PCDHA6: variants seen among roughly 807,000 people sequenced by gnomAD.
PCDHA6 encodes protocadherin alpha 6.
PCDHA6 carries 55 observed loss-of-function variants against 60.3 expected under a neutral mutation model. The ratio of observed to expected loss-of-function variants is 0.91; its 90% CI spans 0.73 to 1.14. The LOEUF (loss-of-function observed/expected upper bound fraction) is 1.14, where lower values mean the gene tolerates loss of function less well. Among genes scored for constraint, PCDHA6 ranks in the 50% most tolerant of loss-of-function variants. The pLI is 0.00. For missense variants in PCDHA6, 1,327 were observed against 1,256.5 expected, an observed-to-expected ratio of 1.06 and a Z score of -0.85; for synonymous variants, 652 against 557.9, an observed-to-expected ratio of 1.17 and a Z score of -2.38.
At chr5:140,862,887 G>A (rs781965401) in intron 1 of PCDHA6, 8 of 562,884 alleles carry the variant, frequency 1.4e-5, no homozygotes, top group Non-Finnish European at 2.7e-5. Flanking sequence ...GTGCTGGAAC[G>A]ACAACTTTGT....
At chr5:140,902,071 T>G (rs1288333473) in intron 1 of PCDHA6, among the ~76,000 whole-genome samples, 1 of 152,186 alleles carries the variant, frequency 6.6e-6, no homozygotes, top group African/African-American at 2.4e-5. Flanking sequence ...TTTACTGAAT[T>G]TATTGTTTTA....
At chr5:140,881,085 A>G (rs1554171740) in intron 1 of PCDHA6, among the ~76,000 whole-genome samples, 1 of 152,156 alleles carries the variant, frequency 6.6e-6, no homozygotes, top group East Asian at 1.9e-4. Flanking sequence ...GCTATGATAT[A>G]TTTTTCATTA....
intron 3 of PCDHA6, among the ~76,000 whole-genome samples, chr5:141,004,400 G>A (rs183932833): frequency 7.4e-4 from 113 of 152,304 alleles, no homozygotes; most frequent in African/African-American, 2.7e-3. Flanking sequence ...TGTGGAGGAG[G>A]CACCTGACTA....
At chr5:140,968,106 C>T (rs1554230344) in intron 1 of PCDHA6, 8 of 1,614,016 alleles carry the variant, frequency 5.0e-6, no homozygotes, top group East Asian at 2.2e-5. Flanking sequence ...GGGGGAATAC[C>T]GCAGCTCACA....
At chr5:140,967,409 C>T (rs1451311967) in intron 1 of PCDHA6, 9 of 1,613,130 alleles carry the variant, frequency 5.6e-6, no homozygotes, top group Non-Finnish European at 7.6e-6. Flanking sequence ...GCGTAAGGGC[C>T]TAGACCGGGA....
chr5:140,862,475 C>T (rs1252932396), intron 1 of PCDHA6: 2 of 377,970 alleles, frequency 5.3e-6, no homozygotes, highest in African/African-American at 4.2e-5. Flanking sequence ...GCAAATCTAT[C>T]CATTGTTGGT....
In PCDHA6 at chr5:140,843,066, C is replaced by G. The variant is rs2150351563; in HGVS notation, c.2394+12581C>G. 18 of 1,595,216 alleles carry G rather than the reference C, an allele frequency of 1.1e-5. 2 individuals are homozygous for G. Among genetic ancestry groups the G allele is most frequent in the East Asian group, 4.5e-5 (2 of 44,812 alleles). On this transcript the variant is annotated intron_variant, in intron 1 of 3. Coordinates refer to ENST00000529310, the MANE Select transcript of PCDHA6 (RefSeq NM_018909.4). ...GGTGGCGCAGCGAGCAAGCTGGTGC[C>G]GCGGTCTGTGGGCGCGGGCCACGTG...
intron 1 of PCDHA6, chr5:140,856,165 A>T: frequency 6.3e-7 from 1 of 1,598,366 alleles, no homozygotes; most frequent in South Asian, 1.1e-5. Flanking sequence ...AGGAGGCCAG[A>T]CACGGCACCT....
chr5:140,863,354 T>C, intron 1 of PCDHA6: 1 of 1,283,244 alleles, frequency 7.8e-7, no homozygotes, highest in Non-Finnish European at 1.1e-6. Flanking sequence ...TACACGACGC[T>C]GCGGTGCTTG....
chr5:140,965,700 C>CT (rs1554227802), intron 1 of PCDHA6, among the ~76,000 whole-genome samples: 1 of 152,162 alleles, frequency 6.6e-6, no homozygotes, highest in East Asian at 1.9e-4. Flanking sequence ...TTAGAAAAAG[C>CT]TTGAGAGAAG....
chr5:140,969,803 T>G, intron 1 of PCDHA6, among the ~76,000 whole-genome samples: 1 of 152,248 alleles, frequency 6.6e-6, no homozygotes, highest in South Asian at 2.1e-4. Context: ...ATCTGCTGTC[T>G]CTGTTTATAC....
At chr5:140,861,404 G>A in intron 1 of PCDHA6, 2 of 468,962 alleles carry the variant, frequency 4.3e-6, no homozygotes, top group East Asian at 5.7e-5. Flanking sequence ...AGCTTGTGGA[G>A]CTGATACCGC....
chr5:140,848,776 A>G (rs2150250036), intron 1 of PCDHA6: 1 of 1,593,226 alleles, frequency 6.3e-7, no homozygotes, highest in East Asian at 2.2e-5. Flanking sequence ...GACCGCGAGG[A>G]GCTGTGCGGG....
At chr5:140,884,622 GAAC>G (rs1562808706) in intron 1 of PCDHA6, 7 of 1,613,830 alleles carry the variant, frequency 4.3e-6, no homozygotes, top group Non-Finnish European at 5.9e-6. Flanking sequence ...TCTGCAGAGG[GAAC>G]AGGCCAGAGG....
intron 1 of PCDHA6, among the ~76,000 whole-genome samples, chr5:140,840,153 G>A (rs1284552041): frequency 6.6e-6 from 1 of 152,018 alleles, no homozygotes; most frequent in Non-Finnish European, 1.5e-5. Context: ...CACGTGAAAG[G>A]AGAGATGGGA....
intron 1 of PCDHA6, among the ~76,000 whole-genome samples, chr5:140,898,022 T>A (rs1235447722): frequency 6.6e-6 from 1 of 152,202 alleles, no homozygotes; most frequent in Non-Finnish European, 1.5e-5. Flanking sequence ...CTTTGCCCAC[T>A]TTTTGATGGG....
intron 3 of PCDHA6, among the ~76,000 whole-genome samples, chr5:140,999,452 G>A (rs141442204): frequency 6.4e-4 from 97 of 152,234 alleles, no homozygotes; most frequent in African/African-American, 2.1e-3. Flanking sequence ...TTCGTTCAAC[G>A]AATAAGTGGT....
rs1207479341 is a variant in PCDHA6 at position 140,830,336 on chromosome 5, T to G, written c.2245T>G (p.Ser749Ala). Residue 749 changes from serine (S) to alanine (A), a missense_variant, in exon 1 of 4, where the codon TCG becomes GCG. Transcript: ENST00000529310. ...LVCSSAVGSW[S>A]YSQQRRQRVC... is the part of the protein sequence containing the mutation. ...GTGCTCCAGCGCAGTGGGGAGCTGG[T>G]CGTACTCGCAGCAGAGGCGGCAGAG... 6.2e-7 allele frequency: 1 copy of G among 1,613,688 alleles called. No individual in the cohort carries two copies. The highest frequency in any genetic ancestry group is 1.7e-5 in the Admixed American group (1 of 59,990).
chr5:140,843,887 A>T, intron 1 of PCDHA6: 2 of 705,148 alleles, frequency 2.8e-6, no homozygotes, highest in Non-Finnish European at 4.7e-6. Context: ...ATAATACAGT[A>T]TTAATCATTC....
Sources: gnomAD v4.1 joint callset for allele counts (sites outside exome capture counted in the v4.1 genomes callset) on GRCh38, gnomAD v4.1.1 for gene constraint, MANE v1.5 for transcripts, NCBI Gene and HGNC (gene_info 2026-07-23, HGNC 2026-07-21) for gene names.